The following FRMD4B variants were observed in gnomAD, a reference collection of about 807,000 sequenced individuals.
FRMD4B encodes FERM domain-containing protein 4B.
Under a neutral mutation model 141.5 loss-of-function variants are expected in FRMD4B, and 74 were observed. The ratio of observed to expected loss-of-function variants is 0.52; its 90% CI spans 0.43 to 0.63. The LOEUF (loss-of-function observed/expected upper bound fraction) is 0.63, where lower values mean the gene tolerates loss of function less well. Ranked by LOEUF, FRMD4B falls within the 30% of genes least tolerant of loss-of-function variation. The probability of loss-of-function intolerance (pLI) is 0.00; values close to 1 mark genes in which losing one functional copy is unlikely to be tolerated. For missense variants in FRMD4B, 1,366 were observed against 1,253.4 expected, an observed-to-expected ratio of 1.09 and a Z score of -1.36; for synonymous variants, 506 against 467.9, an observed-to-expected ratio of 1.08 and a Z score of -1.05.
chr3:69,407,047 G>A (rs1188875531), intron 2 of FRMD4B, among the ~76,000 whole-genome samples: 2 of 151,388 alleles, frequency 1.3e-5, no homozygotes, highest in African/African-American at 4.9e-5. Context: ...CCAGCCTAAT[G>A]TCAGGTTTTT....
At chr3:69,227,439 G>C (rs527595187) in intron 7 of FRMD4B, among the ~76,000 whole-genome samples, 8 of 152,234 alleles carry the variant, frequency 5.3e-5, no homozygotes, top group African/African-American at 1.9e-4. Flanking sequence ...AAGGCAGGGG[G>C]ATCACCTGAG....
intron 3 of FRMD4B, among the ~76,000 whole-genome samples, chr3:69,311,019 A>G (rs572231435): frequency 6.6e-6 from 1 of 152,328 alleles, no homozygotes; most frequent in African/African-American, 2.4e-5. Flanking sequence ...GGGAATAACA[A>G]ACTCATTACT....
At chr3:69,250,290 C>CATGT (rs1553710137) in intron 5 of FRMD4B, 191 bp from the exon 6 acceptor site, 12 of 418,738 alleles carry the variant, frequency 2.9e-5, no homozygotes, top group Middle Eastern at 1.4e-3. Flanking sequence ...ACTGTGTGTG[C>CATGT]GTGTGTGTGT....
intron 1 of FRMD4B, among the ~76,000 whole-genome samples, chr3:69,337,598 A>C (rs935647052): frequency 2.6e-5 from 4 of 152,226 alleles, no homozygotes; most frequent in Non-Finnish European, 5.9e-5. Flanking sequence ...ATGAACTCCA[A>C]CAAATTTACA....
intron 1 of FRMD4B, among the ~76,000 whole-genome samples, chr3:69,464,699 G>A (rs2106928408): frequency 6.6e-6 from 1 of 152,246 alleles, no homozygotes; most frequent in African/African-American, 2.4e-5. Context: ...ATATCCCCGA[G>A]TGATCACCTG....
intron 2 of FRMD4B, among the ~76,000 whole-genome samples, chr3:69,401,996 C>G (rs982038481): frequency 6.6e-6 from 1 of 152,178 alleles, no homozygotes; most frequent in African/African-American, 2.4e-5. Flanking sequence ...GTAGCCTGTG[C>G]GTAGGCAATT....
chr3:69,473,934 G>T (rs1366416487), intron 1 of FRMD4B, among the ~76,000 whole-genome samples: 1 of 152,056 alleles, frequency 6.6e-6, no homozygotes, highest in Non-Finnish European at 1.5e-5. Flanking sequence ...GGCTGCCCAG[G>T]CTTCTCCCAT....
chr3:69,250,482 T>C (rs898079595), intron 5 of FRMD4B, among the ~76,000 whole-genome samples: 5 of 152,198 alleles, frequency 3.3e-5, no homozygotes, highest in Non-Finnish European at 5.9e-5. Context: ...ATTCATTTGT[T>C]GAGTGTTTTC....
intron 1 of FRMD4B, among the ~76,000 whole-genome samples, chr3:69,326,119 A>ATTTTTTTTTT (rs371350022): frequency 9.7e-5 from 13 of 133,714 alleles, no homozygotes; most frequent in African/African-American, 3.8e-4. Context: ...TGGCTAATCA[A>ATTTTTTTTTT]TTTTTTTTTT....
intron 7 of FRMD4B, among the ~76,000 whole-genome samples, chr3:69,246,725 C>T (rs1165879741): frequency 1.3e-5 from 2 of 152,198 alleles, no homozygotes; most frequent in Non-Finnish European, 2.9e-5. Context: ...TCCAGTCCCA[C>T]GCTCTCTCCA....
intron 11 of FRMD4B, among the ~76,000 whole-genome samples, chr3:69,209,001 G>A (rs950666487): frequency 6.6e-6 from 1 of 152,106 alleles, no homozygotes; most frequent in Admixed American, 6.6e-5. Flanking sequence ...AAAATTAGCT[G>A]GGCGTGGTGG....
chr3:69,483,237 G>T (rs574321054), intron 1 of FRMD4B, among the ~76,000 whole-genome samples: 1 of 152,230 alleles, frequency 6.6e-6, no homozygotes, highest in African/African-American at 2.4e-5. Flanking sequence ...ACCCATGTCA[G>T]TGTGAGAATA....
At chr3:69,321,974 C>T (rs571762748) in intron 1 of FRMD4B, among the ~76,000 whole-genome samples, 5 of 152,162 alleles carry the variant, frequency 3.3e-5, no homozygotes, top group African/African-American at 7.2e-5. Flanking sequence ...TCCCAAAGTG[C>T]TGGGATTACA....
At chr3:69,295,141 C>T (rs1700997325) in intron 4 of FRMD4B, among the ~76,000 whole-genome samples, 1 of 152,144 alleles carries the variant, frequency 6.6e-6, no homozygotes, top group Admixed American at 6.5e-5. Flanking sequence ...TAGGTGGGGG[C>T]TACCACCAGC....
chr3:69,454,051 G>A (rs955220258), intron 1 of FRMD4B, among the ~76,000 whole-genome samples: 9 of 152,138 alleles, frequency 5.9e-5, no homozygotes, highest in African/African-American at 2.2e-4. Context: ...CACAGCCCAG[G>A]ACAATCAAAT....
At chr3:69,267,529 C>G (rs75692835) in intron 5 of FRMD4B, among the ~76,000 whole-genome samples, 1 of 150,726 alleles carries the variant, frequency 6.6e-6, no homozygotes, top group Non-Finnish European at 1.5e-5. Flanking sequence ...GCACACCCAG[C>G]ACCTATATAG....
chr3:69,454,479 C>A (rs548192686), intron 1 of FRMD4B, among the ~76,000 whole-genome samples: 1 of 152,206 alleles, frequency 6.6e-6, no homozygotes, highest in Non-Finnish European at 1.5e-5. Context: ...GCCACACTCA[C>A]GGGCCAGCGC....
At chr3:69,509,520 T>C (rs548952555) in intron 1 of FRMD4B, among the ~76,000 whole-genome samples, 12 of 152,284 alleles carry the variant, frequency 7.9e-5, no homozygotes, top group Non-Finnish European at 1.6e-4. Flanking sequence ...TATCAGGGTG[T>C]CTTCAGACCT....
rs55847019 is a variant in FRMD4B at position 69,323,608 on chromosome 3, G to GTATATATATA, written c.163-10101_163-10092dup. Reference sequence around the variant, plus strand: ...CCCAACTCTCTCTCTCTCTCTCTGTGTATATATATATATATATATATATAT... The same window carrying GTATATATATA: ...CCCAACTCTCTCTCTCTCTCTCTGTGTATATATATATATATATATATATATATATATATAT... On this transcript the variant is annotated intron_variant, in intron 1 of 22. Transcript: ENST00000398540. Among the ~76,000 whole-genome samples, 205 of 101,612 alleles carry GTATATATATA rather than the reference G, an allele frequency of 2.0e-3. 4 individuals are homozygous for GTATATATATA. Among genetic ancestry groups the GTATATATATA allele is most frequent in the Non-Finnish European group, 2.9e-3 (150 of 51,426 alleles). The allele number at this position is 101,612 out of a possible 152,430, so 66.7% of individuals were successfully genotyped here. A position where few individuals can be genotyped will look rare whatever the true frequency, so the allele number is the denominator to read the frequency against.
Sources: gnomAD v4.1 joint callset for allele counts (sites outside exome capture counted in the v4.1 genomes callset) on GRCh38, gnomAD v4.1.1 for gene constraint, MANE v1.5 for transcripts, NCBI Gene and HGNC (gene_info 2026-07-23, HGNC 2026-07-21) for gene names.